Variants in BUB1B observed in about 807,000 individuals in gnomAD.
The protein encoded by BUB1B is BUB1 mitotic checkpoint serine/threonine kinase B.
Under a neutral mutation model 137.7 loss-of-function variants are expected in BUB1B, and 86 were observed. The observed-to-expected ratio is 0.62, with a 90% CI of 0.52 to 0.75. The LOEUF is 0.75. BUB1B is among the 30% of genes least tolerant of loss of function. The probability of loss-of-function intolerance (pLI) is 0.00; values close to 1 mark genes in which losing one functional copy is unlikely to be tolerated. For missense variants in BUB1B, 1,130 were observed against 1,236.9 expected (o/e 0.91, Z 1.30); for synonymous variants, 420 against 417.9 (o/e 1.00, Z -0.06).
At chr15:40,200,035 T>A in intron 10 of BUB1B, 1 of 602,858 alleles carries the variant, frequency 1.7e-6, no homozygotes, top group Non-Finnish European at 2.9e-6. Flanking sequence ...CCTAAAGAAA[T>A]TTAGTATATG....
chr15:40,169,569 C>G (rs1040777880), intron 2 of BUB1B, among the ~76,000 whole-genome samples: 3 of 148,282 alleles, frequency 2.0e-5, no homozygotes, highest in Non-Finnish European at 3.0e-5. Context: ...TATATTTTCT[C>G]TCTCTTCTTA....
chr15:40,219,500 C>G (rs965463658), intron 22 of BUB1B, among the ~76,000 whole-genome samples: 1 of 151,936 alleles, frequency 6.6e-6, no homozygotes, highest in Admixed American at 6.6e-5. Flanking sequence ...GGCAGATTAC[C>G]TGAGGTCAGG....
At position 40,209,707 on chromosome 15, in the gene BUB1B, C is replaced by G. The variant is rs202132335; in HGVS notation, c.2216C>G (p.Ala739Gly). Residue 739 changes from alanine to glycine, a missense_variant, in exon 17 of 23, where the codon GCC (alanine) becomes GGC (glycine). Transcript: ENST00000287598. ...CTGAAGTCCCTACCAGAGTTAAGTG[C>G]CTCTGCAGAGTTGTGTATAGAAGAC... is the stretch of plus-strand genomic sequence containing the variant. ...QLLKSLPELS[A>G]SAELCIEDRP... 1 of 1,613,978 alleles carries G rather than the reference C, an allele frequency of 6.2e-7. No individual in the cohort carries two copies.
intron 8 of BUB1B, among the ~76,000 whole-genome samples, chr15:40,188,262 G>T (rs936606684): frequency 6.6e-6 from 1 of 152,228 alleles, no homozygotes; most frequent in South Asian, 2.1e-4. Flanking sequence ...TGGTCAGGCT[G>T]GTCTCGAACT....
intron 2 of BUB1B, among the ~76,000 whole-genome samples, chr15:40,168,875 T>A (rs1185372981): frequency 6.6e-6 from 1 of 152,224 alleles, no homozygotes; most frequent in Non-Finnish European, 1.5e-5. Flanking sequence ...ATTCCATGGT[T>A]CTTTCAGAGT....
rs2037346675 is a variant in BUB1B at position 40,185,322 on chromosome 15, C to T, written c.909C>T (p.Ala303=). The change falls in exon 7 of 23, where the codon GCC becomes GCT. Residue 303 remains alanine, a synonymous_variant. Coordinates refer to ENST00000287598, the MANE Select transcript of BUB1B (RefSeq NM_001211.6). ...GGATAGCACCCCCCATGCCCAGGGC[C>T]AAAGAGAATGAGCTGCAAGCAGGCC... is the stretch of plus-strand genomic sequence containing the variant. ...QPWIAPPMPR[A]KENELQAGPW... is the part of the protein sequence containing the mutation. 1 of 1,614,122 alleles carries T rather than the reference C, an allele frequency of 6.2e-7. No homozygotes were observed. The highest frequency in any genetic ancestry group is 1.3e-5 in the African/African-American group (1 of 75,030).
intron 20 of BUB1B, chr15:40,217,286 CT>C (rs920717949): frequency 3.4e-6 from 2 of 589,122 alleles, no homozygotes; most frequent in African/African-American, 3.7e-5. Flanking sequence ...TTGAAATATA[CT>C]TTGTGTCACC....
rs117138033 is a variant in BUB1B, at chr15:40,178,833, G to A, written c.581+2160G>A. Among the ~76,000 whole-genome samples, 379 of 151,630 alleles carry A rather than the reference G, an allele frequency of 2.5e-3. 2 individuals are homozygous for A. Among genetic ancestry groups the A allele is most frequent in the Admixed American group, 4.9e-3 (74 of 15,240 alleles). ...CAGAAGTCTACCTGGTCTGATATTA[G>A]TACAGCTATTCCAGCTTCCTTTTTG... is the stretch of plus-strand genomic sequence containing the variant. On this transcript the variant is annotated intron_variant, in intron 5 of 22. Transcript: ENST00000287598.
chr15:40,198,256 A>G (rs2140899368), intron 9 of BUB1B, among the ~76,000 whole-genome samples: 1 of 150,426 alleles, frequency 6.6e-6, no homozygotes, highest in East Asian at 1.9e-4. Context: ...TTTTTTTTAA[A>G]TAGAGAGATG....
intron 20 of BUB1B, among the ~76,000 whole-genome samples, chr15:40,216,038 G>C (rs1237687262): frequency 6.6e-6 from 1 of 152,216 alleles, no homozygotes; most frequent in African/African-American, 2.4e-5. Flanking sequence ...CCTACCCAAA[G>C]TAACAGTGAG....
Position 40,213,393 on chromosome 15 carries a change from T to C in BUB1B, c.2597T>C (p.Leu866Pro). The C allele has an allele frequency of 3.7e-6, 6 of 1,613,954 alleles. No homozygotes were observed. Among genetic ancestry groups the C allele is most frequent in the Non-Finnish European group, 5.1e-6 (6 of 1,179,802 alleles). Residue 866 changes from leucine (L) to proline (P), a missense_variant, in exon 20 of 23, where the codon CTT becomes CCT. By Grantham distance (98) the Leu-to-Pro change is moderately conservative. Coordinates refer to ENST00000287598, the MANE Select transcript of BUB1B (RefSeq NM_001211.6). Reference sequence around the variant, plus strand: ...ATAACAGTGTTGATTATTTATAACCTTTTGACAATAGTGGAGATGCTACAC... The same window carrying C: ...ATAACAGTGTTGATTATTTATAACCCTTTGACAATAGTGGAGATGCTACAC... ...HEITVLIIYN[L>P]LTIVEMLHKA... is the part of the protein sequence containing the mutation.
At chr15:40,192,568 C>G (rs563863683) in intron 8 of BUB1B, among the ~76,000 whole-genome samples, 54 of 152,294 alleles carry the variant, frequency 3.5e-4, no homozygotes, top group Admixed American at 2.5e-3. Flanking sequence ...TCTCTCTCCC[C>G]AAATCCCCTG....
chr15:40,161,340 A>T, intron 1 of BUB1B, 85 bp downstream of exon 1: 1 of 1,491,028 alleles, frequency 6.7e-7, no homozygotes, highest in Non-Finnish European at 9.0e-7. Context: ...GGAGCAGTCG[A>T]GGGGGAGATC....
chr15:40,205,797 T>G (rs554875266), intron 14 of BUB1B, among the ~76,000 whole-genome samples: 1 of 152,328 alleles, frequency 6.6e-6, no homozygotes, highest in East Asian at 1.9e-4. Context: ...CAGACATACA[T>G]GAATTGTCTT....
At chr15:40,198,084 G>A (rs554562606) in intron 9 of BUB1B, among the ~76,000 whole-genome samples, 1 of 152,086 alleles carries the variant, frequency 6.6e-6, no homozygotes, top group East Asian at 1.9e-4. Flanking sequence ...AGACCAGCCT[G>A]GGCAACATGG....
intron 8 of BUB1B, among the ~76,000 whole-genome samples, chr15:40,188,965 C>T (rs1429714564): frequency 6.6e-6 from 1 of 151,816 alleles, no homozygotes; most frequent in East Asian, 1.9e-4. Flanking sequence ...AGTTGTGCAA[C>T]CCTTACCACA....
chr15:40,211,073 G>A (rs567607205), intron 18 of BUB1B, among the ~76,000 whole-genome samples: 9 of 152,158 alleles, frequency 5.9e-5, no homozygotes, highest in African/African-American at 2.2e-4. Context: ...TATTAGAGGT[G>A]TATATGGCAT....
At chr15:40,197,585 CCTA>C (rs971396657) in intron 9 of BUB1B, among the ~76,000 whole-genome samples, 1 of 152,138 alleles carries the variant, frequency 6.6e-6, no homozygotes, top group African/African-American at 2.4e-5. Context: ...TCCAGAATAA[CCTA>C]CTAATATAGC....
intron 14 of BUB1B, among the ~76,000 whole-genome samples, chr15:40,205,069 C>A (rs1168576423): frequency 6.6e-6 from 1 of 151,778 alleles, no homozygotes; most frequent in African/African-American, 2.4e-5. Flanking sequence ...GCCTCAGCCT[C>A]CCGAGTAGCT....
Sources: gnomAD v4.1 joint callset for allele counts (sites outside exome capture counted in the v4.1 genomes callset) on GRCh38, gnomAD v4.1.1 for gene constraint, MANE v1.5 for transcripts, NCBI Gene and HGNC (gene_info 2026-07-23, HGNC 2026-07-21) for gene names.